EPPK1: variants seen among roughly 807,000 people sequenced by gnomAD.
EPPK1 encodes epiplakin.
For synonymous variants in EPPK1, 1,862 were observed against 1,721.2 expected (o/e 1.08, Z -2.03); for missense variants, 3,823 against 3,673.3 (o/e 1.04, Z -1.05).
rs782448102 is a variant in EPPK1, at chr8:143,867,724, C to A, written c.5530G>T (p.Gly1844Cys). Residue 1844 changes from glycine to cysteine, a missense_variant, in exon 2 of 2, where the codon GGC (glycine) becomes TGC (cysteine). Transcript: ENST00000615648. ...TIEETETQNQGIKVAAIRGEV... is the reference protein window; with the variant it reads ...TIEETETQNQCIKVAAIRGEV... ...CCTCTGATGGCCGCCACTTTGATGCCTTGGTTTTGCGTCTCTGTTTCTTCA... is the reference window on the plus strand; with the variant it reads ...CCTCTGATGGCCGCCACTTTGATGCATTGGTTTTGCGTCTCTGTTTCTTCA... The A allele has an allele frequency of 1.9e-6, 3 of 1,613,642 alleles. No individual in the cohort carries two copies. In the African/African-American group the frequency reaches 4.0e-5, roughly 22 times the overall value.
Position 143,866,387 on chromosome 8 carries a change from C to A in EPPK1, c.6867G>T (p.Ala2289=). The change falls in exon 2 of 2, where the codon GCG becomes GCT. Residue 2289 remains alanine (A), a synonymous_variant. Transcript: ENST00000615648. ...CCTGGATCTCGCCGCCCACCACGCC[C>A]GCGGCCACGGCCTCCTCCACCGACA... The part of the protein sequence containing the change: ...LRLSVEEAVA[A]GVVGGEIQEK... 1.0e-6 allele frequency: 1 copy of A among 992,778 alleles called. No homozygotes were observed. Among genetic ancestry groups the A allele is most frequent in the East Asian group, 2.7e-5 (1 of 37,278 alleles). 61.5% of individuals were successfully genotyped at this position (992,778 alleles called of 1,614,324 possible). A position where few individuals can be genotyped will look rare whatever the true frequency, so the allele number is the denominator to read the frequency against.
Position 143,870,784 on chromosome 8 carries a change from C to G in EPPK1, c.2470G>C (p.Gly824Arg). The G allele has an allele frequency of 6.2e-7, 1 of 1,612,700 alleles. No homozygotes were observed. The highest frequency in any genetic ancestry group is 2.2e-5 in the East Asian group (1 of 44,884). ...GAGACCCTCTGCCCCTGAAACCGTC[C>G]ATACTTCACGGAGAGCAGCAGGTTC... ...FQNLLLSVKY[G>R]RFQGQRVSAW... Residue 824 changes from glycine (G) to arginine (R), a missense_variant, in exon 2 of 2, where the codon GGA becomes CGA. Coordinates refer to ENST00000615648, the MANE Select transcript of EPPK1 (RefSeq NM_031308.4). This position sits in a 1 kb window ranked among gnomAD's most constrained non-coding sequence, Gnocchi z 5.2.
In EPPK1 at chr8:143,868,891, C is replaced by T; in HGVS notation, c.4363G>A (p.Val1455Met). The change falls in exon 2 of 2, where the codon GTG (valine) becomes ATG (methionine). Residue 1455 changes from valine to methionine, a missense_variant. Coordinates refer to ENST00000615648, the MANE Select transcript of EPPK1 (RefSeq NM_031308.4). ...HTAVALRAMK[V>M]PVSTGRFKGC... ...TTAAACCTCCCTGTGCTGACGGGCA[C>T]CTTCATGGCCCTCAGAGCCACCGCG... 6.2e-7 allele frequency: 1 copy of T among 1,611,026 alleles called. No individual in the cohort carries two copies. Among genetic ancestry groups the T allele is most frequent in the East Asian group, 2.2e-5 (1 of 44,876 alleles).
chr8:143,866,990 A>C lies in EPPK1; in HGVS notation c.6264T>G (p.Ala2088=). Residue 2088 remains alanine, a synonymous_variant, in exon 2 of 2, where the codon GCT becomes GCG. Transcript: ENST00000615648. ...CATCGATGTGCTCGGAGTCCCGTGC[A>C]GCCTTGTTCACTGGGAACAGCAGCC... ...TGWLLFPVNK[A]ARDSEHIDDE... is the part of the protein sequence containing the mutation. 1 of 1,612,670 alleles carries C rather than the reference A, an allele frequency of 6.2e-7. No homozygotes were observed. The highest frequency in any genetic ancestry group is 8.5e-7 in the Non-Finnish European group (1 of 1,179,846).
Position 143,871,870 on chromosome 8 carries a change from C to G in EPPK1, c.1384G>C (p.Gly462Arg). 6.2e-7 allele frequency: 1 copy of G among 1,610,798 alleles called. No homozygotes were observed. The change falls in exon 2 of 2, where the codon GGG (glycine) becomes CGG (arginine). Residue 462 changes from glycine to arginine, a missense_variant. By Grantham distance (125) the Gly-to-Arg change is moderately radical. Coordinates refer to ENST00000615648, the MANE Select transcript of EPPK1 (RefSeq NM_031308.4). Reference sequence around the variant, plus strand: ...CCTGAGAGTGGCAGGAAGGCAAGCCCGGTCTCTGGGTCGGTGACACAGAGG... The same window carrying G: ...CCTGAGAGTGGCAGGAAGGCAAGCCGGGTCTCTGGGTCGGTGACACAGAGG... ...LALCVTDPET[G>R]LAFLPLSGGP...
In EPPK1 at chr8:143,870,246, C is replaced by A. The variant is rs368221168; in HGVS notation, c.3008G>T (p.Arg1003Leu). ...GAAGCCAGCAATGGCACCCTCAGCCCGCTTCAGCCTGCCATACAGCTCCGG... is the reference window on the plus strand; with the variant it reads ...GAAGCCAGCAATGGCACCCTCAGCCAGCTTCAGCCTGCCATACAGCTCCGG... ...VGPELYGRLK[R>L]AEGAIAGFRD... The change falls in exon 2 of 2, where the codon CGG becomes CTG. Residue 1003 changes from arginine to leucine, a missense_variant. Physicochemically the swap from Arg to Leu is moderately radical, Grantham distance 102 (BLOSUM62 -2). Transcript: ENST00000615648. The surrounding 1 kb of genome is among the most constrained non-coding windows in gnomAD (Gnocchi z 5.2). The A allele has an allele frequency of 5.6e-6, 9 of 1,602,266 alleles. No homozygotes were observed. The African/African-American group carries it at 9.4e-5, about 17-fold the overall frequency.
Position 143,872,659 on chromosome 8 carries a change from G to A in EPPK1, c.595C>T (p.Arg199Cys), listed in dbSNP as rs187605642. 25 of 1,608,696 alleles carry A rather than the reference G, an allele frequency of 1.6e-5. No homozygotes were observed. In the Admixed American group the frequency reaches 1.7e-4, roughly 11 times the overall value. The change falls in exon 2 of 2, where the codon CGC (arginine) becomes TGC (cysteine). Residue 199 changes from arginine (R) to cysteine (C), a missense_variant. Physicochemically the swap from Arg to Cys is radical, Grantham distance 180. Coordinates refer to ENST00000615648, the MANE Select transcript of EPPK1 (RefSeq NM_031308.4). The stretch of plus-strand genomic sequence containing the variant: ...TCCAGCGTGTTGGGGTCGAGGAAGC[G>A]CAGGTCACCTGTGCCAGGCTCAAGC... ...SELEPGTGDL[R>C]FLDPNTLERL... is the part of the protein sequence containing the mutation.
chr8:143,872,590 G>C lies in EPPK1; in HGVS notation c.664C>G (p.Pro222Ala). 6.2e-7 allele frequency: 1 copy of C among 1,610,078 alleles called. No individual in the cohort carries two copies. The highest frequency in any genetic ancestry group is 1.1e-5 in the South Asian group (1 of 90,910). ...HQLLERCVRA[P>A]GSGLALLPLK... ...GGCAGCAAGGCTAGCCCCGAGCCGG[G>C]GGCACGCACACACCTTTCCAGCAGC... Residue 222 changes from proline (P) to alanine (A), a missense_variant, in exon 2 of 2, where the codon CCC (proline) becomes GCC (alanine). By Grantham distance (27) the Pro-to-Ala change is conservative. Coordinates refer to ENST00000615648, the MANE Select transcript of EPPK1 (RefSeq NM_031308.4).
In EPPK1 at chr8:143,873,135, G is replaced by T; in HGVS notation, c.119C>A (p.Ala40Asp). The change falls in exon 2 of 2, where the codon GCC (alanine) becomes GAC (aspartate). Residue 40 changes from alanine to aspartate, a missense_variant. Coordinates refer to ENST00000615648, the MANE Select transcript of EPPK1 (RefSeq NM_031308.4). ...LGAGTPPRPQ[A>D]RSIAGVYVEA... Reference sequence around the variant, plus strand: ...CACATACACCCCAGCTATGCTCCTGGCCTGGGGCCTGGGGGGCGTGCCGGC... The same window carrying T: ...CACATACACCCCAGCTATGCTCCTGTCCTGGGGCCTGGGGGGCGTGCCGGC... 1.9e-6 allele frequency: 3 copies of T among 1,583,330 alleles called. No individual in the cohort carries two copies. The highest frequency in any genetic ancestry group is 2.6e-6 in the Non-Finnish European group (3 of 1,168,002).
In EPPK1 at chr8:143,868,533, G is replaced by A. The variant is rs1554659982; in HGVS notation, c.4721C>T (p.Ala1574Val). 3 of 1,606,200 alleles carry A rather than the reference G, an allele frequency of 1.9e-6. No homozygotes were observed. The highest frequency in any genetic ancestry group is 1.7e-5 in the Admixed American group (1 of 59,024). ...KRSLEGGNFI[A>V]GVLIQGTQER... The stretch of plus-strand genomic sequence containing the variant: ...CTGGGTGCCCTGGATAAGGACCCCG[G>A]CAATGAAGTTGCCTCCCTCCAGGGA... The change falls in exon 2 of 2, where the codon GCC (alanine) becomes GTC (valine). Residue 1574 changes from alanine to valine, a missense_variant. Transcript: ENST00000615648.
Position 143,870,215 on chromosome 8 carries a change from G to T in EPPK1, c.3039C>A (p.Asp1013Glu). ...CAGACACCTGCTTCCCAGAGAAGGGGTCTCTGAAGCCAGCAATGGCACCCT... is the reference window on the plus strand; with the variant it reads ...CAGACACCTGCTTCCCAGAGAAGGGTTCTCTGAAGCCAGCAATGGCACCCT... ...RAEGAIAGFR[D>E]PFSGKQVSVF... Residue 1013 changes from aspartate to glutamate, a missense_variant, in exon 2 of 2, where the codon GAC becomes GAA. Physicochemically the swap from Asp to Glu is conservative, Grantham distance 45. Coordinates refer to ENST00000615648, the MANE Select transcript of EPPK1 (RefSeq NM_031308.4). This position sits in a 1 kb window ranked among gnomAD's most constrained non-coding sequence, Gnocchi z 5.2. 2 of 1,608,860 alleles carry T rather than the reference G, an allele frequency of 1.2e-6. No individual in the cohort carries two copies. Among genetic ancestry groups the T allele is most frequent in the Non-Finnish European group, 1.7e-6 (2 of 1,178,306 alleles).
At chr8:143,874,419 G>A (rs782508452) in intron 1 of EPPK1, among the ~76,000 whole-genome samples, 2 of 152,252 alleles carry the variant, frequency 1.3e-5, no homozygotes, top group Admixed American at 1.3e-4. Context: ...ACCGGGCTAG[G>A]ATTGGCTGTT....
At position 143,868,939 on chromosome 8, in the gene EPPK1, CTG is replaced by C. The variant is rs782117422; in HGVS notation, c.4313_4314del (p.Thr1438SerfsTer3). ...GCGGTGTGGTCGTCCACCTCAAGCA[CTG>C]TGTCTGAGGGCAGTGGCAACAGCAA... ...GLLLLPLPSD[T>X]VLEVDDHTAV... is the part of the protein sequence containing the mutation. On this transcript the variant is annotated frameshift_variant, in exon 2 of 2. Coordinates refer to ENST00000615648, the MANE Select transcript of EPPK1 (RefSeq NM_031308.4). LOFTEE classifies it low-confidence loss of function (END_TRUNC). 1.9e-6 allele frequency: 3 copies of C among 1,611,076 alleles called. No individual in the cohort carries two copies. The South Asian group carries it at 3.3e-5, about 18-fold the overall frequency.
chr8:143,868,206 G>A lies in EPPK1; in HGVS notation c.5048C>T (p.Ala1683Val). 21 of 1,613,150 alleles carry A rather than the reference G, an allele frequency of 1.3e-5. No individual in the cohort carries two copies. The highest frequency in any genetic ancestry group is 1.8e-5 in the Non-Finnish European group (21 of 1,180,018). Reference protein sequence around the residue: ...VREHGIRLLEAQIATGGIIDP... With the variant: ...VREHGIRLLEVQIATGGIIDP... Reference sequence around the variant, plus strand: ...GATGATGCCGCCCGTGGCGATCTGGGCCTCCAGCAGGCGGATGCCGTGCTC... The same window carrying A: ...GATGATGCCGCCCGTGGCGATCTGGACCTCCAGCAGGCGGATGCCGTGCTC... The change falls in exon 2 of 2, where the codon GCC (alanine) becomes GTC (valine). Residue 1683 changes from alanine to valine, a missense_variant. Physicochemically the swap from Ala to Val is moderately conservative, Grantham distance 64. Transcript: ENST00000615648.
rs1341716760 is a variant in EPPK1 at position 143,869,890 on chromosome 8, G to C, written c.3364C>G (p.Leu1122Val). 1 of 1,607,504 alleles carries C rather than the reference G, an allele frequency of 6.2e-7. No individual in the cohort carries two copies. Among genetic ancestry groups the C allele is most frequent in the African/African-American group, 1.3e-5 (1 of 74,846 alleles). Residue 1122 changes from leucine (L) to valine (V), a missense_variant, in exon 2 of 2, where the codon CTC becomes GTC. Transcript: ENST00000615648. ...LLPLPESAPA[L>V]PTEEQVQRSL... is the part of the protein sequence containing the mutation. ...CTCTGGACCTGCTCCTCGGTGGGGA[G>C]GGCAGGAGCACTTTCTGGCAGGGGC...
chr8:143,877,263 C>T (rs1819499698), intron 1 of EPPK1, among the ~76,000 whole-genome samples: 1 of 152,110 alleles, frequency 6.6e-6, no homozygotes, highest in Non-Finnish European at 1.5e-5. Context: ...GGAGGAAGGC[C>T]CGGGAGTGGG....
At position 143,868,732 on chromosome 8, in the gene EPPK1, G is replaced by C; in HGVS notation, c.4522C>G (p.Leu1508Val). Residue 1508 changes from leucine (L) to valine (V), a missense_variant, in exon 2 of 2, where the codon CTG becomes GTG. Physicochemically the swap from Leu to Val is conservative, Grantham distance 32. Coordinates refer to ENST00000615648, the MANE Select transcript of EPPK1 (RefSeq NM_031308.4). Reference protein sequence around the residue: ...LRQVVSAVTTLVEAAERQPLQ... With the variant: ...LRQVVSAVTTVVEAAERQPLQ... ...GGCTGCCTCTCTGCAGCCTCGACCA[G>C]GGTGGTGACTGCGCTGACCACCTGC... 6.3e-7 allele frequency: 1 copy of C among 1,581,976 alleles called. No homozygotes were observed. Among genetic ancestry groups the C allele is most frequent in the Non-Finnish European group, 8.6e-7 (1 of 1,168,200 alleles).
At position 143,857,743 on chromosome 8, in the gene EPPK1, A is replaced by G; in HGVS notation, c.*244T>C. ...TGTTCTGAAAACGAAAAAGGAGAGA[A>G]AAGTAAAACCATATGACACATAGAC... On this transcript the variant is annotated 3_prime_UTR_variant, in exon 2 of 2. Coordinates refer to ENST00000615648, the MANE Select transcript of EPPK1 (RefSeq NM_031308.4). 2.4e-6 allele frequency: 1 copy of G among 421,528 alleles called. No homozygotes were observed. Among genetic ancestry groups the G allele is most frequent in the Admixed American group, 3.9e-5 (1 of 25,562 alleles). 26.1% of individuals were successfully genotyped at this position (421,528 alleles called of 1,614,324 possible).
chr8:143,874,812 A>G (rs911434629), intron 1 of EPPK1, among the ~76,000 whole-genome samples: 3 of 151,448 alleles, frequency 2.0e-5, no homozygotes, highest in African/African-American at 7.3e-5. Context: ...CAGCCTGTCC[A>G]TGACAACCTT....
Sources: gnomAD v4.1 joint callset for allele counts (sites outside exome capture counted in the v4.1 genomes callset) on GRCh38, gnomAD v4.1.1 for gene constraint, Gnocchi (gnomAD v3.1) non-coding constraint, MANE v1.5 for transcripts, NCBI Gene and HGNC (gene_info 2026-07-23, HGNC 2026-07-21) for gene names.